The following PTBP2 variants were observed in gnomAD, a reference collection of about 807,000 sequenced individuals.
PTBP2 encodes polypyrimidine tract-binding protein 2.
A neutral mutation model predicts 61.4 loss-of-function variants in PTBP2; 13 were observed. That is an observed-to-expected ratio of 0.21 (90% CI 0.14 to 0.34). The LOEUF (loss-of-function observed/expected upper bound fraction) is 0.34. PTBP2 is among the 10% of genes least tolerant of loss of function. The pLI, the probability that PTBP2 is intolerant of heterozygous loss-of-function variation, is 1.00. For synonymous variants in PTBP2, 215 were observed against 218.5 expected (o/e 0.98, Z 0.14); for missense variants, 405 against 642.6 (o/e 0.63, Z 4.00).
chr1:96,727,735 T>C (rs1301365992), intron 2 of PTBP2, among the ~76,000 whole-genome samples: 4 of 152,206 alleles, frequency 2.6e-5, no homozygotes, highest in African/African-American at 9.7e-5. Flanking sequence ...TTTATTTGGT[T>C]ATTTATTTTA....
intron 8 of PTBP2, among the ~76,000 whole-genome samples, chr1:96,789,474 A>G (rs550505179): frequency 3.9e-5 from 6 of 152,230 alleles, no homozygotes; most frequent in African/African-American, 1.2e-4. Flanking sequence ...TGGTTTTACT[A>G]TGTAGCAAGA....
chr1:96,819,551 C>T (rs1447817261), downstream of PTBP2: 2 of 151,890 alleles, frequency 1.3e-5, no homozygotes, highest in Non-Finnish European at 2.9e-5. Flanking sequence ...CTTTTTATAA[C>T]CATAATCAAC....
chr1:96,804,961 G>A (rs759097590), intron 9 of PTBP2, 22 bp downstream of exon 9: 4 of 1,507,276 alleles, frequency 2.7e-6, no homozygotes, highest in Non-Finnish European at 3.6e-6. Context: ...AATCTCTAAT[G>A]TTTATTCTTT....
intron 8 of PTBP2, among the ~76,000 whole-genome samples, chr1:96,786,343 C>T (rs940727321): frequency 3.9e-5 from 6 of 152,138 alleles, no homozygotes; most frequent in South Asian, 2.1e-4. Context: ...ACCCTTTATT[C>T]GAATTTTCTG....
rs1232683663 is a variant in PTBP2, at chr1:96,739,618, G to GGTTTTTTTTTTTTTTTTTTTTTTTT, written c.40-11807_40-11806insGTTTTTTTTTTTTTTTTTTTTTTTT. 3.6e-5 allele frequency among the ~76,000 whole-genome samples: 3 copies of GGTTTTTTTTTTTTTTTTTTTTTTTT among 83,802 alleles called. 1 individual carries two copies. 55.0% of individuals were successfully genotyped at this position (83,802 alleles called of 152,430 possible). On this transcript the variant is annotated intron_variant, in intron 2 of 13. Transcript: ENST00000674951. ...GCTACAAAATCTGAAACTGGTGTGT[G>GGTTTTTTTTTTTTTTTTTTTTTTTT]TTTTTTTTTTTTTTTTTTTTTTTTT...
At chr1:96,778,943 G>A (rs1417054157) in intron 7 of PTBP2, among the ~76,000 whole-genome samples, 2 of 152,160 alleles carry the variant, frequency 1.3e-5, no homozygotes. Context: ...ACCAAGTGCC[G>A]TAGTCTCATT....
At chr1:96,762,063 C>A (rs1655955040) in intron 3 of PTBP2, among the ~76,000 whole-genome samples, 1 of 150,686 alleles carries the variant, frequency 6.6e-6, no homozygotes, top group Non-Finnish European at 1.5e-5. Flanking sequence ...GGGGTAAGGT[C>A]ACAGATCAAC....
chr1:96,734,954 G>A (rs1570719234), intron 2 of PTBP2, among the ~76,000 whole-genome samples: 2 of 117,752 alleles, frequency 1.7e-5, no homozygotes, highest in Admixed American at 2.1e-4. Flanking sequence ...GTCTTGCCCT[G>A]TTGCCCAGGC....
rs886550577 is a variant in PTBP2 at position 96,814,197 on chromosome 1, G to A, written c.*792G>A. The A allele has an allele frequency of 6.6e-6, 1 of 152,446 alleles. No homozygotes were observed. The highest frequency in any genetic ancestry group is 1.5e-5 in the Non-Finnish European group (1 of 67,946). 9.4% of individuals were successfully genotyped at this position (152,446 alleles called of 1,614,324 possible). A position where few individuals can be genotyped will look rare whatever the true frequency, so the allele number is the denominator to read the frequency against. ...AGCACTAAGTAATGTCTTGTTTGTG[G>A]CTGAATATTTTTCGTAGATGTTTTT... is the stretch of plus-strand genomic sequence containing the variant. On this transcript the variant is annotated 3_prime_UTR_variant, in exon 14 of 14. Coordinates refer to ENST00000674951, the MANE Select transcript of PTBP2 (RefSeq NM_021190.4).
chr1:96,813,496 TTTTTTG>T lies in PTBP2; in HGVS notation c.*103_*108del. The T allele has an allele frequency of 7.8e-7, 1 of 1,285,314 alleles. No individual in the cohort carries two copies. The highest frequency in any genetic ancestry group is 1.0e-6 in the Non-Finnish European group (1 of 970,250). The allele number at this position is 1,285,314 out of a possible 1,614,324, so 79.6% of individuals were successfully genotyped here. ...GAAAAGTGGGGACCAGAGTTTGATTTTTTTTGTTTTTGTTTTTTTGGGGTTTCTTTT... is the reference window on the plus strand; with the variant it reads ...GAAAAGTGGGGACCAGAGTTTGATTTTTTTTGTTTTTTTGGGGTTTCTTTT... On this transcript the variant is annotated 3_prime_UTR_variant, in exon 14 of 14. Coordinates refer to ENST00000674951, the MANE Select transcript of PTBP2 (RefSeq NM_021190.4).
At chr1:96,722,560 G>C (rs1477961534) in intron 1 of PTBP2, among the ~76,000 whole-genome samples, 2 of 152,290 alleles carry the variant, frequency 1.3e-5, no homozygotes, top group East Asian at 3.9e-4. Context: ...TGTGGGGACT[G>C]AAAACATTCA....
rs888924394 is a variant in PTBP2 at position 96,813,478 on chromosome 1, G to A, written c.*73G>A. The A allele has an allele frequency of 3.8e-6, 5 of 1,323,638 alleles. No homozygotes were observed. The highest frequency in any genetic ancestry group is 5.0e-6 in the Non-Finnish European group (5 of 1,002,580). 82.0% of individuals were successfully genotyped at this position (1,323,638 alleles called of 1,614,324 possible). A position where few individuals can be genotyped will look rare whatever the true frequency, so the allele number is the denominator to read the frequency against. On this transcript the variant is annotated 3_prime_UTR_variant, in exon 14 of 14. Coordinates refer to ENST00000674951, the MANE Select transcript of PTBP2 (RefSeq NM_021190.4). Reference sequence around the variant, plus strand: ...CACCTATTTGACTGTTCAGAAAAGTGGGGACCAGAGTTTGATTTTTTTTGT... The same window carrying A: ...CACCTATTTGACTGTTCAGAAAAGTAGGGACCAGAGTTTGATTTTTTTTGT...
rs866186307 is a variant in PTBP2 at position 96,761,346 on chromosome 1, A to G, written c.116-8357A>G. 1.7e-3 allele frequency among the ~76,000 whole-genome samples: 240 copies of G among 140,572 alleles called. 1 individual carries two copies. The highest frequency in any genetic ancestry group is 0.014 in the Middle Eastern group (4 of 278). The allele number at this position is 140,572 out of a possible 152,430, so 92.2% of individuals were successfully genotyped here. A position where few individuals can be genotyped will look rare whatever the true frequency, so the allele number is the denominator to read the frequency against. ...AGCAGGGGCCTAGATGTGGGATTTG[A>G]TGTGTGTGTGTGTGTGTGTGTGTGT... On this transcript the variant is annotated intron_variant, in intron 3 of 13. Transcript: ENST00000674951.
chr1:96,746,850 TCC>T lies in PTBP2; in HGVS notation c.40-4571_40-4570del, dbSNP rs1557702921. ...CTGTCTGTCTGTCTCCCTCCCTCCC[TCC>T]CCCTCCCTCCGTCCGTCTGTCCCTC... On this transcript the variant is annotated intron_variant, in intron 2 of 13. Transcript: ENST00000674951. Among the ~76,000 whole-genome samples the T allele has an allele frequency of 4.6e-3, 84 of 18,092 alleles. 11 individuals carry two copies. In the East Asian group the frequency reaches 0.11, roughly 23 times the overall value. The allele number at this position is 18,092 out of a possible 152,430, so 11.9% of individuals were successfully genotyped here. A position where few individuals can be genotyped will look rare whatever the true frequency, so the allele number is the denominator to read the frequency against.
chr1:96,725,097 A>G (rs772664926), intron 2 of PTBP2, among the ~76,000 whole-genome samples: 1 of 152,172 alleles, frequency 6.6e-6, no homozygotes, highest in Non-Finnish European at 1.5e-5. Context: ...AGGAATAGCT[A>G]AAGATTGCAA....
At chr1:96,794,839 G>T (rs898686459) in intron 8 of PTBP2, among the ~76,000 whole-genome samples, 1 of 152,126 alleles carries the variant, frequency 6.6e-6, no homozygotes, top group South Asian at 2.1e-4. Flanking sequence ...TAGAGTATAT[G>T]TCATGTTTTA....
exon 14 of PTBP2, chr1:96,820,773 C>A (rs1431728329): frequency 6.6e-6 from 1 of 152,092 alleles, no homozygotes; most frequent in African/African-American, 2.4e-5. Context: ...GAAATTAATT[C>A]TATCCTTTTT....
chr1:96,778,059 A>G (rs1658230795), intron 7 of PTBP2, 113 bp downstream of exon 7: 3 of 420,830 alleles, frequency 7.1e-6, no homozygotes, highest in African/African-American at 6.2e-5. Flanking sequence ...GATAGTAGAA[A>G]TTGATGGCAT....
At chr1:96,758,553 C>T (rs951109400) in intron 3 of PTBP2, among the ~76,000 whole-genome samples, 7 of 151,926 alleles carry the variant, frequency 4.6e-5, no homozygotes, top group South Asian at 2.1e-4. Flanking sequence ...TGAGACTTAT[C>T]GCAGGATTGT....
Sources: gnomAD v4.1 joint callset for allele counts (sites outside exome capture counted in the v4.1 genomes callset) on GRCh38, gnomAD v4.1.1 for gene constraint, MANE v1.5 for transcripts, NCBI Gene and HGNC (gene_info 2026-07-23, HGNC 2026-07-21) for gene names.